Variants in CFLAR observed in about 807,000 individuals in gnomAD.
The protein encoded by CFLAR is CASP8 and FADD-like apoptosis regulator.
In CFLAR, 14 loss-of-function variants were observed where a neutral mutation model predicts 51.1. That is an observed-to-expected ratio of 0.27 (90% confidence interval 0.18 to 0.43). The LOEUF is 0.43. Among genes scored for constraint, CFLAR ranks in the 20% least tolerant of loss-of-function variants. CFLAR has a pLI of 1.00. For synonymous variants in CFLAR, 210 were observed against 211.6 expected, an observed-to-expected ratio of 0.99 and a Z score of 0.06; for missense variants, 390 against 566.5, an observed-to-expected ratio of 0.69 and a Z score of 3.16.
chr2:201,141,455 T>C, intron 5 of CFLAR: 1 of 1,548,178 alleles, frequency 6.5e-7, no homozygotes, highest in African/African-American at 1.4e-5. Context: ...CTGCCTCTAC[T>C]TAATCATTCT....
intron 4 of CFLAR, chr2:201,136,736 C>T (rs577607756): frequency 2.6e-4 from 129 of 500,644 alleles, no homozygotes; most frequent in African/African-American, 2.1e-3. Flanking sequence ...ACTCTTTTAC[C>T]CCAACATACT....
chr2:201,125,723 G>A (rs2048613533), intron 1 of CFLAR, among the ~76,000 whole-genome samples: 1 of 152,110 alleles, frequency 6.6e-6, no homozygotes, highest in African/African-American at 2.4e-5. Flanking sequence ...GCTGAACAGA[G>A]TCTTCCTGTA....
At chr2:201,143,159 A>T (rs902404340) in intron 5 of CFLAR, among the ~76,000 whole-genome samples, 2 of 152,148 alleles carry the variant, frequency 1.3e-5, no homozygotes, top group African/African-American at 4.8e-5. Flanking sequence ...TTTGCATATT[A>T]GTTTCTCCTT....
chr2:201,150,909 G>A (rs957976239), intron 8 of CFLAR, among the ~76,000 whole-genome samples: 3 of 152,172 alleles, frequency 2.0e-5, no homozygotes, highest in African/African-American at 4.8e-5. Context: ...ACGGTAGTTG[G>A]TGAGCCTTAG....
chr2:201,134,640 T>TTAAAATAAAATAAAATAAAATAAAA (rs60192551), intron 3 of CFLAR, among the ~76,000 whole-genome samples: 118 of 142,916 alleles, frequency 8.3e-4, no homozygotes, highest in African/African-American at 1.8e-3. Flanking sequence ...ATCTCAAAAA[T>TTAAAATAAAATAAAATAAAATAAAA]TAAAATAAAA....
At position 201,135,246 on chromosome 2, in the gene CFLAR, CAT is replaced by C. The variant is rs369340455; in HGVS notation, c.388-725_388-724del. Among the ~76,000 whole-genome samples the C allele has an allele frequency of 6.6e-4, 100 of 152,308 alleles. 1 individual carries two copies. Among genetic ancestry groups the C allele is most frequent in the African/African-American group, 1.7e-3 (70 of 41,568 alleles). ...TATTTTGGAAACTTTAAAACTATAA[CAT>C]GTGATTTTTCTCATAAAGTCTTTCC... On this transcript the variant is annotated intron_variant, in intron 3 of 9. Coordinates refer to ENST00000309955, the MANE Select transcript of CFLAR (RefSeq NM_003879.7).
chr2:201,130,418 G>GTGATCT (rs1317271423), intron 2 of CFLAR, among the ~76,000 whole-genome samples: 1 of 131,860 alleles, frequency 7.6e-6, no homozygotes, highest in Non-Finnish European at 1.5e-5. Flanking sequence ...CTGGAGTGCA[G>GTGATCT]TGGCGTGATC....
rs1330953175 is a variant in CFLAR at position 201,166,262 on chromosome 2, AC to A, written c.*2294del. 1.5e-5 allele frequency: 2 copies of A among 134,618 alleles called. No homozygotes were observed. Among genetic ancestry groups the A allele is most frequent in the African/African-American group, 5.9e-5 (2 of 34,186 alleles). The allele number at this position is 134,618 out of a possible 1,614,324, so 8.3% of individuals were successfully genotyped here. On this transcript the variant is annotated 3_prime_UTR_variant, in exon 10 of 10. Coordinates refer to ENST00000309955, the MANE Select transcript of CFLAR (RefSeq NM_003879.7). ...GGGGCGGCTGGCCGGGCGGGGGCTGACCCCCACGCCTCCCTCCCGGACGGGG... is the reference window on the plus strand; with the variant it reads ...GGGGCGGCTGGCCGGGCGGGGGCTGACCCCACGCCTCCCTCCCGGACGGGG...
intron 5 of CFLAR, 110 bp downstream of exon 5, chr2:201,140,549 T>C (rs1318260932): frequency 1.3e-6 from 1 of 755,726 alleles, no homozygotes; most frequent in Non-Finnish European, 2.1e-6. Flanking sequence ...GAAAAAATTG[T>C]GATAGAAATG....
intron 1 of CFLAR, among the ~76,000 whole-genome samples, chr2:201,127,980 GAATTACAAAAGTTAGA>G (rs2125647562): frequency 6.6e-6 from 1 of 152,166 alleles, no homozygotes; most frequent in African/African-American, 2.4e-5. Flanking sequence ...TGATACTTAT[GAATTACAAAAGTTAGA>G]TGACTGTAAA....
intron 1 of CFLAR, among the ~76,000 whole-genome samples, chr2:201,125,626 G>A (rs2048601200): frequency 6.6e-6 from 1 of 152,068 alleles, no homozygotes; most frequent in Non-Finnish European, 1.5e-5. Flanking sequence ...ACATGGATGA[G>A]AAATGGCACT....
rs1052738293 is a variant in CFLAR at position 201,165,873 on chromosome 2, T to G, written c.*1900T>G. On this transcript the variant is annotated 3_prime_UTR_variant, in exon 10 of 10. Transcript: ENST00000309955. Reference sequence around the variant, plus strand: ...TTTAACCCTGAGTGGACACAGCACATGTTTCAGAGAGCACAGGGTTGGGGG... The same window carrying G: ...TTTAACCCTGAGTGGACACAGCACAGGTTTCAGAGAGCACAGGGTTGGGGG... 2 of 198,938 alleles carry G rather than the reference T, an allele frequency of 1.0e-5. No individual in the cohort carries two copies. Among genetic ancestry groups the G allele is most frequent in the African/African-American group, 4.8e-5 (2 of 41,984 alleles). 12.3% of individuals were successfully genotyped at this position (198,938 alleles called of 1,614,324 possible). A position where few individuals can be genotyped will look rare whatever the true frequency, so the allele number is the denominator to read the frequency against.
chr2:201,132,136 A>G (rs760893272), intron 2 of CFLAR, among the ~76,000 whole-genome samples: 30 of 152,142 alleles, frequency 2.0e-4, no homozygotes, highest in Non-Finnish European at 3.2e-4. Context: ...TTTCCTTGCT[A>G]TGATGAGTGG....
At chr2:201,129,420 G>A (rs2049027529) in intron 1 of CFLAR, 1 of 231,534 alleles carries the variant, frequency 4.3e-6, no homozygotes, top group Non-Finnish European at 8.3e-6. Flanking sequence ...ACCCTTAGTT[G>A]TAATTTTCCC....
chr2:201,143,662 T>TTA (rs1323616069), intron 5 of CFLAR, among the ~76,000 whole-genome samples: 2 of 151,822 alleles, frequency 1.3e-5, no homozygotes, highest in Non-Finnish European at 2.9e-5. Flanking sequence ...CCACAAGATA[T>TTA]TATAGAATTA....
At chr2:201,135,660 C>T (rs1009002881) in intron 3 of CFLAR, among the ~76,000 whole-genome samples, 27 of 151,550 alleles carry the variant, frequency 1.8e-4, no homozygotes, top group African/African-American at 5.8e-4. Flanking sequence ...GACAGGGTCT[C>T]GCTCTGCTGC....
intron 3 of CFLAR, among the ~76,000 whole-genome samples, chr2:201,134,968 C>T (rs2049905848): frequency 6.6e-6 from 1 of 152,040 alleles, no homozygotes; most frequent in African/African-American, 2.4e-5. Flanking sequence ...ATTGTCTCTC[C>T]CAGCCATTTA....
intron 2 of CFLAR, among the ~76,000 whole-genome samples, chr2:201,131,215 A>G (rs1441938387): frequency 6.6e-6 from 1 of 152,078 alleles, no homozygotes; most frequent in Non-Finnish European, 1.5e-5. Context: ...GGAAAGGAAG[A>G]TAACTTGTAA....
chr2:201,174,495 A>C lies in CFLAR; in HGVS notation c.*10522A>C, dbSNP rs1944137511. On this transcript the variant is annotated 3_prime_UTR_variant, in exon 10 of 10. Transcript: ENST00000309955. Reference sequence around the variant, plus strand: ...ACTGTCTTGATTATTGTAACTTCGTAGTAAGTTTTGGAATCCAGAAATGTA... The same window carrying C: ...ACTGTCTTGATTATTGTAACTTCGTCGTAAGTTTTGGAATCCAGAAATGTA... The C allele has an allele frequency of 6.6e-6, 1 of 152,182 alleles. No individual in the cohort carries two copies. Among genetic ancestry groups the C allele is most frequent in the Non-Finnish European group, 1.5e-5 (1 of 68,042 alleles). The allele number at this position is 152,182 out of a possible 1,614,324, so 9.4% of individuals were successfully genotyped here.
Sources: gnomAD v4.1 joint callset for allele counts (sites outside exome capture counted in the v4.1 genomes callset) on GRCh38, gnomAD v4.1.1 for gene constraint, MANE v1.5 for transcripts, NCBI Gene and HGNC (gene_info 2026-07-23, HGNC 2026-07-21) for gene names.